The following PEX14 variants were observed in gnomAD, a reference collection of about 807,000 sequenced individuals.
PEX14 encodes the protein peroxisomal biogenesis factor 14.
Under a neutral mutation model 49.5 loss-of-function variants are expected in PEX14, and 15 were observed. The observed-to-expected ratio is 0.30, with a 90% CI of 0.20 to 0.47. The LOEUF (loss-of-function observed/expected upper bound fraction) is 0.47, where lower values mean the gene tolerates loss of function less well. Ranked by LOEUF, PEX14 falls within the 20% of genes least tolerant of loss-of-function variation. PEX14 has a pLI of 1.00. For synonymous variants in PEX14, 210 were observed against 212.7 expected, an observed-to-expected ratio of 0.99 and a Z score of 0.11; for missense variants, 398 against 494.8, an observed-to-expected ratio of 0.80 and a Z score of 1.86.
At chr1:10,546,386 C>A (rs1453450975) in intron 3 of PEX14, among the ~76,000 whole-genome samples, 1 of 150,544 alleles carries the variant, frequency 6.6e-6, no homozygotes, top group African/African-American at 2.4e-5. Context: ...ACCAACATGG[C>A]GAAACCCTGT....
intron 3 of PEX14, among the ~76,000 whole-genome samples, chr1:10,540,440 G>C (rs1163531212): frequency 6.6e-6 from 1 of 151,892 alleles, no homozygotes; most frequent in African/African-American, 2.4e-5. Context: ...TAATAGCTCC[G>C]TCATTACTGA....
chr1:10,554,216 A>G (rs368984416), intron 3 of PEX14, among the ~76,000 whole-genome samples: 1 of 148,476 alleles, frequency 6.7e-6, no homozygotes, highest in South Asian at 2.2e-4. Flanking sequence ...AGGCAGGAGG[A>G]TGGCGTGAAC....
chr1:10,475,157 C>T (rs1474107695), intron 1 of PEX14, among the ~76,000 whole-genome samples, 155 bp downstream of exon 1: 1 of 142,764 alleles, frequency 7.0e-6, no homozygotes, highest in Non-Finnish European at 1.5e-5. Context: ...CCCAGGTCCT[C>T]CCCACCCGGC....
intron 3 of PEX14, among the ~76,000 whole-genome samples, chr1:10,592,820 C>T (rs570861196): frequency 1.6e-4 from 25 of 152,362 alleles, no homozygotes; most frequent in African/African-American, 4.3e-4. Context: ...AACTCACATT[C>T]GATTCACTGT....
intron 2 of PEX14, among the ~76,000 whole-genome samples, chr1:10,525,351 C>A (rs575625536): frequency 6.6e-6 from 1 of 151,948 alleles, no homozygotes; most frequent in Non-Finnish European, 1.5e-5. Context: ...TCCTCATCTG[C>A]GTCAGCGGTA....
chr1:10,606,473 T>G (rs1254118980), intron 4 of PEX14, among the ~76,000 whole-genome samples: 1 of 152,206 alleles, frequency 6.6e-6, no homozygotes, highest in East Asian at 1.9e-4. Context: ...GCACATGTCC[T>G]CAGCTTTCCA....
At chr1:10,571,574 C>T (rs374974468) in intron 3 of PEX14, among the ~76,000 whole-genome samples, 3 of 152,056 alleles carry the variant, frequency 2.0e-5, no homozygotes, top group South Asian at 2.1e-4. Context: ...TTTGGGAGGC[C>T]GAGGCGGGCG....
chr1:10,494,272 C>T lies in PEX14; in HGVS notation c.37-1002C>T, dbSNP rs993663260. Among the ~76,000 whole-genome samples, 4 of 152,152 alleles carry T rather than the reference C, an allele frequency of 2.6e-5. No homozygotes were observed. The highest frequency in any genetic ancestry group is 4.8e-5 in the African/African-American group (2 of 41,424). ...ACCGGGCCTCTGTCCTTTTCCAAGGCGGCCTGGCACTTCCATCTGATCTGT... is the reference window on the plus strand; with the variant it reads ...ACCGGGCCTCTGTCCTTTTCCAAGGTGGCCTGGCACTTCCATCTGATCTGT... On this transcript the variant is annotated intron_variant, in intron 1 of 8. Transcript: ENST00000356607. This position sits in a 1 kb window ranked among gnomAD's most constrained non-coding sequence, Gnocchi z 4.3.
At chr1:10,615,003 C>T (rs1297990055) in intron 4 of PEX14, among the ~76,000 whole-genome samples, 1 of 152,196 alleles carries the variant, frequency 6.6e-6, no homozygotes, top group African/African-American at 2.4e-5. Flanking sequence ...CCTCAGTGCT[C>T]TTAGAGCTCC....
At chr1:10,501,281 G>A (rs929488368) in intron 2 of PEX14, among the ~76,000 whole-genome samples, 1 of 141,408 alleles carries the variant, frequency 7.1e-6, no homozygotes, top group South Asian at 2.4e-4. Flanking sequence ...TTCAGAATCC[G>A]CCCTATCAGT....
chr1:10,536,958 A>T (rs902573592), intron 3 of PEX14, among the ~76,000 whole-genome samples: 2 of 152,168 alleles, frequency 1.3e-5, no homozygotes, highest in African/African-American at 4.8e-5. Context: ...ATTTTCTAGA[A>T]ATCTAGGAAG....
chr1:10,528,556 A>C (rs1487575836), intron 2 of PEX14, among the ~76,000 whole-genome samples: 1 of 152,214 alleles, frequency 6.6e-6, no homozygotes, highest in Non-Finnish European at 1.5e-5. Context: ...CTGAGTCATT[A>C]CATTCCTTTA....
chr1:10,569,182 C>G (rs1241518264), intron 3 of PEX14, among the ~76,000 whole-genome samples: 2 of 152,060 alleles, frequency 1.3e-5, no homozygotes, highest in East Asian at 3.8e-4. Context: ...ATCATGAATA[C>G]TAATTATAAT....
At chr1:10,537,341 A>AACCACC (rs1553187430) in intron 3 of PEX14, among the ~76,000 whole-genome samples, 2 of 28,430 alleles carry the variant, frequency 7.0e-5, no homozygotes, top group African/African-American at 2.8e-4. Context: ...TTGTGCCAGC[A>AACCACC]CCCCCCCCCC....
At chr1:10,580,053 T>C (rs908339964) in intron 3 of PEX14, among the ~76,000 whole-genome samples, 2 of 151,946 alleles carry the variant, frequency 1.3e-5, no homozygotes, top group Admixed American at 1.3e-4. Flanking sequence ...GTTAAATACA[T>C]AGGAAAATAT....
chr1:10,509,807 A>G (rs550123711), intron 2 of PEX14, among the ~76,000 whole-genome samples: 1 of 152,248 alleles, frequency 6.6e-6, no homozygotes, highest in South Asian at 2.1e-4. Context: ...GGAAGGGAGG[A>G]GAAAATTGAG....
intron 3 of PEX14, among the ~76,000 whole-genome samples, chr1:10,577,566 T>C (rs866755623): frequency 3.6e-4 from 1 of 2,752 alleles, no homozygotes; most frequent in African/African-American, 1.1e-3. Context: ...ATATATATTT[T>C]TTTTTTTTTT....
chr1:10,527,674 T>TTTTG (rs1339201108), intron 2 of PEX14, among the ~76,000 whole-genome samples: 1 of 151,972 alleles, frequency 6.6e-6, no homozygotes, highest in Admixed American at 6.5e-5. Context: ...TTATTTATTT[T>TTTTG]TTTGTTTGTT....
intron 2 of PEX14, among the ~76,000 whole-genome samples, chr1:10,501,787 G>A (rs1350583462): frequency 5.3e-5 from 8 of 152,082 alleles, no homozygotes; most frequent in Non-Finnish European, 2.9e-5. Flanking sequence ...ATGTGGTGGC[G>A]AGTGCCTGTA....
Sources: allele counts gnomAD v4.1 joint callset (sites outside exome capture counted in the v4.1 genomes callset), GRCh38; gene constraint gnomAD v4.1.1; non-coding constraint Gnocchi (gnomAD v3.1); transcripts MANE v1.5; gene names NCBI Gene and HGNC (gene_info 2026-07-23, HGNC 2026-07-21).